The following SETBP1 variants were observed in gnomAD, a reference collection of about 807,000 sequenced individuals.
The protein encoded by SETBP1 is SET-binding protein.
SETBP1 carries 9 observed loss-of-function variants against 101.0 expected under a neutral mutation model. That is an observed-to-expected ratio of 0.09 (90% CI 0.05 to 0.16). The LOEUF (loss-of-function observed/expected upper bound fraction) is 0.16, where lower values mean the gene tolerates loss of function less well. Among genes scored for constraint, SETBP1 ranks in the 10% least tolerant of loss-of-function variants. The pLI is 1.00. For synonymous variants in SETBP1, 818 were observed against 788.5 expected (o/e 1.04, Z -0.63); for missense variants, 1,858 against 2,033.8 (o/e 0.91, Z 1.66).
At chr18:45,060,749 T>C (rs2073877964) in intron 5 of SETBP1, among the ~76,000 whole-genome samples, 1 of 152,206 alleles carries the variant, frequency 6.6e-6, no homozygotes, top group Non-Finnish European at 1.5e-5. Context: ...TTTCTGTTTA[T>C]TTATTTTGGT....
chr18:44,803,855 A>G (rs2071666080), intron 2 of SETBP1, among the ~76,000 whole-genome samples: 1 of 152,186 alleles, frequency 6.6e-6, no homozygotes, highest in South Asian at 2.1e-4. Flanking sequence ...TTTCAGGAAG[A>G]AAACTCAGAT....
Position 44,849,980 on chromosome 18 carries a change from G to C in SETBP1, c.487-19250G>C, listed in dbSNP as rs544592591. On this transcript the variant is annotated intron_variant, in intron 2 of 5. Coordinates refer to ENST00000649279, the MANE Select transcript of SETBP1 (RefSeq NM_015559.3). ...CAACATGACATAGAACTCAGCAAGA[G>C]AAAGATTAGTTCTTTTAGTATATGC... 4.6e-4 allele frequency among the ~76,000 whole-genome samples: 70 copies of C among 152,292 alleles called. No homozygotes were observed. The Middle Eastern group carries it at 0.01, about 22-fold the overall frequency.
At position 44,950,698 on chromosome 18, in the gene SETBP1, C is replaced by T. The variant is rs2145097301; in HGVS notation, c.1358C>T (p.Ser453Phe). 1 of 1,614,140 alleles carries T rather than the reference C, an allele frequency of 6.2e-7. No individual in the cohort carries two copies. The highest frequency in any genetic ancestry group is 8.5e-7 in the Non-Finnish European group (1 of 1,180,018). ...MSSEVVNRIL[S>F]NSEGNKKDPR... Reference sequence around the variant, plus strand: ...AGTGAAGTAGTTAACAGGATACTTTCCAACTCTGAGGGGAATAAGAAGGAT... The same window carrying T: ...AGTGAAGTAGTTAACAGGATACTTTTCAACTCTGAGGGGAATAAGAAGGAT... The change falls in exon 4 of 6, where the codon TCC becomes TTC. Residue 453 changes from serine (S) to phenylalanine (F), a missense_variant. Physicochemically the swap from Ser to Phe is radical, Grantham distance 155. Coordinates refer to ENST00000649279, the MANE Select transcript of SETBP1 (RefSeq NM_015559.3).
intron 3 of SETBP1, among the ~76,000 whole-genome samples, chr18:44,920,080 C>A (rs1415548744): frequency 4.6e-5 from 7 of 152,152 alleles, no homozygotes; most frequent in Admixed American, 4.6e-4. Flanking sequence ...TCTCATAGTT[C>A]TTCAAACTGG....
chr18:44,937,341 G>A (rs2070983602), intron 3 of SETBP1, among the ~76,000 whole-genome samples: 1 of 150,312 alleles, frequency 6.7e-6, no homozygotes, highest in African/African-American at 2.4e-5. Context: ...TGTAGTCCCA[G>A]CTACTTGGGA....
Position 45,004,585 on chromosome 18 carries a change from G to T in SETBP1, c.4001-33900G>T, listed in dbSNP as rs567269225. Among the ~76,000 whole-genome samples, 4 of 152,330 alleles carry T rather than the reference G, an allele frequency of 2.6e-5. No homozygotes were observed. The South Asian group carries it at 8.3e-4, about 32-fold the overall frequency. The stretch of plus-strand genomic sequence containing the variant: ...TTCAGGTAAATGAAAAAGAAACAGG[G>T]TTAGGACCAGGTGTCCTGAGATCTA... On this transcript the variant is annotated intron_variant, in intron 4 of 5. Coordinates refer to ENST00000649279, the MANE Select transcript of SETBP1 (RefSeq NM_015559.3).
At chr18:44,807,840 G>A (rs750352615) in intron 2 of SETBP1, among the ~76,000 whole-genome samples, 1 of 152,156 alleles carries the variant, frequency 6.6e-6, no homozygotes, top group Non-Finnish European at 1.5e-5. Flanking sequence ...AGGGCATGGT[G>A]GTATAGATGA....
intron 2 of SETBP1, among the ~76,000 whole-genome samples, chr18:44,754,039 A>G (rs1169913736): frequency 6.6e-6 from 1 of 152,216 alleles, no homozygotes; most frequent in African/African-American, 2.4e-5. Flanking sequence ...TGCATTCACC[A>G]TAGATCGCCT....
At chr18:44,800,650 G>A (rs1411022019) in intron 2 of SETBP1, among the ~76,000 whole-genome samples, 1 of 152,146 alleles carries the variant, frequency 6.6e-6, no homozygotes, top group African/African-American at 2.4e-5. Flanking sequence ...ACCCCAAGAG[G>A]GAGTAGTTAT....
At chr18:44,916,589 C>T (rs545246576) in intron 3 of SETBP1, among the ~76,000 whole-genome samples, 2 of 152,312 alleles carry the variant, frequency 1.3e-5, no homozygotes, top group African/African-American at 4.8e-5. Flanking sequence ...TCTATTTACA[C>T]AGGCAGCATG....
At chr18:44,726,021 A>G (rs2069700202) in intron 2 of SETBP1, among the ~76,000 whole-genome samples, 1 of 152,120 alleles carries the variant, frequency 6.6e-6, no homozygotes, top group East Asian at 1.9e-4. Context: ...TGGAATTAGA[A>G]CCAAGAACTT....
At chr18:44,903,650 C>T (rs1008324948) in intron 3 of SETBP1, among the ~76,000 whole-genome samples, 2 of 152,176 alleles carry the variant, frequency 1.3e-5, no homozygotes, top group African/African-American at 4.8e-5. Context: ...ATTGTAACAC[C>T]TATCACACAA....
chr18:44,914,559 A>G (rs563580964), intron 3 of SETBP1, among the ~76,000 whole-genome samples: 1 of 152,138 alleles, frequency 6.6e-6, no homozygotes, highest in Non-Finnish European at 1.5e-5. Flanking sequence ...AGTGACTATC[A>G]CCTTTTAGAT....
At chr18:44,714,322 CTGAGT>C (rs1339561113) in intron 2 of SETBP1, among the ~76,000 whole-genome samples, 1 of 152,106 alleles carries the variant, frequency 6.6e-6, no homozygotes, top group Non-Finnish European at 1.5e-5. Flanking sequence ...CCTCAGCCTC[CTGAGT>C]AGCTGGGACT....
At chr18:44,802,425 A>G (rs1337377929) in intron 2 of SETBP1, among the ~76,000 whole-genome samples, 5 of 152,194 alleles carry the variant, frequency 3.3e-5, no homozygotes, top group Non-Finnish European at 7.4e-5. Flanking sequence ...CTGACTATAT[A>G]CAACCAAAGA....
intron 2 of SETBP1, among the ~76,000 whole-genome samples, chr18:44,840,509 A>G (rs913521858): frequency 2.6e-5 from 4 of 152,134 alleles, no homozygotes; most frequent in Non-Finnish European, 4.4e-5. Context: ...CTGTTTTCCT[A>G]TTTCTCAAGA....
intron 4 of SETBP1, among the ~76,000 whole-genome samples, chr18:44,995,390 CT>C (rs1031909134): frequency 3.3e-5 from 5 of 152,060 alleles, no homozygotes; most frequent in African/African-American, 4.8e-5. Flanking sequence ...ATCTGCCCAC[CT>C]CGGCCTCCCT....
At chr18:45,057,530 T>C (rs1334656270) in intron 5 of SETBP1, among the ~76,000 whole-genome samples, 2 of 152,156 alleles carry the variant, frequency 1.3e-5, no homozygotes, top group Non-Finnish European at 2.9e-5. Flanking sequence ...AAAAAAGATG[T>C]GGCCTTTGCC....
chr18:44,953,891 A>AT (rs1222260080), intron 4 of SETBP1, among the ~76,000 whole-genome samples: 4 of 152,006 alleles, frequency 2.6e-5, no homozygotes, highest in East Asian at 3.9e-4. Context: ...TATTGTTTCC[A>AT]TTTTTTTTCC....
Sources: gnomAD v4.1 joint callset for allele counts (sites outside exome capture counted in the v4.1 genomes callset) on GRCh38, gnomAD v4.1.1 for gene constraint, MANE v1.5 for transcripts, NCBI Gene and HGNC (gene_info 2026-07-23, HGNC 2026-07-21) for gene names.